Variants in ZNF778 observed in about 807,000 individuals in gnomAD.
ZNF778 encodes zinc finger protein 778.
Under a neutral mutation model 23.9 loss-of-function variants are expected in ZNF778, and 37 were observed. The observed-to-expected ratio is 1.54, with a 90% CI of 1.19 to 2.03. ZNF778 has a LOEUF of 2.03. Ranked by LOEUF, ZNF778 falls within the 30% of genes most tolerant of loss-of-function variation. The pLI is 0.00. For missense variants in ZNF778, 1,297 were observed against 934.4 expected (o/e 1.39, Z -5.06); for synonymous variants, 483 against 343.9 (o/e 1.40, Z -4.48).
Position 89,221,044 on chromosome 16 carries a change from C to T in ZNF778, c.-84C>T, listed in dbSNP as rs1033402180. Reference sequence around the variant, plus strand: ...TGGGTCAGGAGGAATGGAGACTGTACCTTCCACATAGATTCACAAGCTGCC... The same window carrying T: ...TGGGTCAGGAGGAATGGAGACTGTATCTTCCACATAGATTCACAAGCTGCC... On this transcript the variant is annotated 5_prime_UTR_variant, in exon 2 of 7. Coordinates refer to ENST00000433976, the MANE Select transcript of ZNF778 (RefSeq NM_001201407.2). 1 of 1,483,378 alleles carries T rather than the reference C, an allele frequency of 6.7e-7. No homozygotes were observed. The highest frequency in any genetic ancestry group is 1.4e-5 in the African/African-American group (1 of 71,686). The allele number at this position is 1,483,378 out of a possible 1,614,324, so 91.9% of individuals were successfully genotyped here.
chr16:89,236,541 A>G lies in ZNF778; in HGVS notation c.*7979A>G, dbSNP rs1362462779. 6.6e-6 allele frequency: 1 copy of G among 152,194 alleles called. No homozygotes were observed. Among genetic ancestry groups the G allele is most frequent in the East Asian group, 1.9e-4 (1 of 5,204 alleles). 9.4% of individuals were successfully genotyped at this position (152,194 alleles called of 1,614,324 possible). On this transcript the variant is annotated 3_prime_UTR_variant, in exon 7 of 7. Transcript: ENST00000433976. ...AAGGAAAAGCAATAGAAGAGTAAAT[A>G]CCTGAGTAAATAGATCAGATCATTC...
At position 89,234,116 on chromosome 16, in the gene ZNF778, A is replaced by C. The variant is rs1222217542; in HGVS notation, c.*5554A>C. On this transcript the variant is annotated 3_prime_UTR_variant, in exon 7 of 7. Transcript: ENST00000433976. ...GAGTGATGTGCCGCCTTCTCTTGAC[A>C]CTGTGAGTGATAAACTTTCCATGTC... The C allele has an allele frequency of 2.0e-6, 1 of 492,848 alleles. No individual in the cohort carries two copies. Among genetic ancestry groups the C allele is most frequent in the South Asian group, 1.6e-5 (1 of 64,382 alleles). The allele number at this position is 492,848 out of a possible 1,614,324, so 30.5% of individuals were successfully genotyped here.
Position 89,227,254 on chromosome 16 carries a change from C to T in ZNF778, c.966C>T (p.Ser322=), listed in dbSNP as rs753660671. 1.2e-6 allele frequency: 2 copies of T among 1,613,854 alleles called. No homozygotes were observed. The highest frequency in any genetic ancestry group is 1.7e-6 in the Non-Finnish European group (2 of 1,179,824). The change falls in exon 7 of 7, where the codon TCC becomes TCT. Residue 322 remains serine, a synonymous_variant. Coordinates refer to ENST00000433976, the MANE Select transcript of ZNF778 (RefSeq NM_001201407.2). ...EECGKASPVS[S]SLTQHVRIHA... Reference sequence around the variant, plus strand: ...GTGGAAAAGCCTCCCCTGTTTCTTCCAGCCTAACTCAACATGTAAGAATTC... The same window carrying T: ...GTGGAAAAGCCTCCCCTGTTTCTTCTAGCCTAACTCAACATGTAAGAATTC...
chr16:89,228,592 C>A lies in ZNF778; in HGVS notation c.*30C>A. The A allele has an allele frequency of 1.3e-6, 2 of 1,540,484 alleles. No individual in the cohort carries two copies. The highest frequency in any genetic ancestry group is 1.7e-6 in the Non-Finnish European group (2 of 1,149,900). On this transcript the variant is annotated 3_prime_UTR_variant, in exon 7 of 7. Coordinates refer to ENST00000433976, the MANE Select transcript of ZNF778 (RefSeq NM_001201407.2). ...AAGAATGTGGGGAAGCTGTCAGCTA[C>A]ACTCATTCACGTTGAAGACATGAAA... is the stretch of plus-strand genomic sequence containing the variant.
intron 3 of ZNF778, 76 bp downstream of exon 3, chr16:89,222,259 C>G (rs2031029517): frequency 2.6e-6 from 3 of 1,149,514 alleles, no homozygotes; most frequent in South Asian, 1.6e-5. Context: ...TCTGAGCAGA[C>G]TTGTCTGCAC....
At chr16:89,219,343 A>G (rs1010257722) in intron 1 of ZNF778, among the ~76,000 whole-genome samples, 1 of 152,114 alleles carries the variant, frequency 6.6e-6, no homozygotes, top group Non-Finnish European at 1.5e-5. Context: ...ATATTCCTCC[A>G]TTTCTTGCTG....
rs1433539672 is a variant in ZNF778 at position 89,235,650 on chromosome 16, A to G, written c.*7088A>G. ...ATTCAGAAGTGTAGACTATAATCTT[A>G]AATTATTCAGCATATGTGCAACAGC... On this transcript the variant is annotated 3_prime_UTR_variant, in exon 7 of 7. Transcript: ENST00000433976. The G allele has an allele frequency of 6.6e-6, 1 of 152,206 alleles. No homozygotes were observed. Among genetic ancestry groups the G allele is most frequent in the Non-Finnish European group, 1.5e-5 (1 of 68,044 alleles). 9.4% of individuals were successfully genotyped at this position (152,206 alleles called of 1,614,324 possible). A position where few individuals can be genotyped will look rare whatever the true frequency, so the allele number is the denominator to read the frequency against.
Position 89,226,804 on chromosome 16 carries a change from T to G in ZNF778, c.516T>G (p.Ser172Arg). The G allele has an allele frequency of 6.2e-7, 1 of 1,613,922 alleles. No individual in the cohort carries two copies. Among genetic ancestry groups the G allele is most frequent in the East Asian group, 2.2e-5 (1 of 44,884 alleles). Residue 172 changes from serine (S) to arginine (R), a missense_variant, in exon 7 of 7, where the codon AGT (serine) becomes AGG (arginine). Ser to Arg is a moderately radical substitution (Grantham distance 110). Coordinates refer to ENST00000433976, the MANE Select transcript of ZNF778 (RefSeq NM_001201407.2). ...TGAGAACTCAAAATACAGGAGACAG[T>G]TGTGTGTCTAATCATTATGAAAGGG... ...THVRTQNTGD[S>R]CVSNHYERDF...
chr16:89,228,259 C>G lies in ZNF778; in HGVS notation c.1971C>G (p.Ser657=), dbSNP rs200361239. 6.2e-7 allele frequency: 1 copy of G among 1,605,724 alleles called. No homozygotes were observed. Among genetic ancestry groups the G allele is most frequent in the Non-Finnish European group, 8.5e-7 (1 of 1,173,278 alleles). The change falls in exon 7 of 7, where the codon TCC becomes TCG. Residue 657 remains serine, a synonymous_variant. Transcript: ENST00000433976. ...AGTGTGGGAAAGCCTTTGCTTCCTC[C>G]TCACACCTTATCGAACACAGAAGGA... ...CKECGKAFAS[S]SHLIEHRRTH...
At position 89,228,629 on chromosome 16, in the gene ZNF778, C is replaced by T; in HGVS notation, c.*67C>T. On this transcript the variant is annotated 3_prime_UTR_variant, in exon 7 of 7. Coordinates refer to ENST00000433976, the MANE Select transcript of ZNF778 (RefSeq NM_001201407.2). Reference sequence around the variant, plus strand: ...TTGAAGACATGAAAGACCTCTCGTTCTCCAGATGTCCATGACTTGAGGAAT... The same window carrying T: ...TTGAAGACATGAAAGACCTCTCGTTTTCCAGATGTCCATGACTTGAGGAAT... 1.3e-6 allele frequency: 2 copies of T among 1,520,028 alleles called. No homozygotes were observed. Among genetic ancestry groups the T allele is most frequent in the Non-Finnish European group, 1.8e-6 (2 of 1,140,674 alleles). The allele number at this position is 1,520,028 out of a possible 1,614,324, so 94.2% of individuals were successfully genotyped here.
Position 89,222,934 on chromosome 16 carries a change from C to T in ZNF778, c.118-223C>T, listed in dbSNP as rs568108312. On this transcript the variant is annotated intron_variant, in intron 3 of 6. Coordinates refer to ENST00000433976, the MANE Select transcript of ZNF778 (RefSeq NM_001201407.2). ...CAGGGTGCGCGTGACTGGAGGAGCGCGACAGGGCACGCGTGACTGGAGGAG... is the reference window on the plus strand; with the variant it reads ...CAGGGTGCGCGTGACTGGAGGAGCGTGACAGGGCACGCGTGACTGGAGGAG... Among the ~76,000 whole-genome samples the T allele has an allele frequency of 2.7e-5, 4 of 145,776 alleles. No individual in the cohort carries two copies. The South Asian group carries it at 6.6e-4, about 24-fold the overall frequency.
rs554200162 is a variant in ZNF778 at position 89,224,169 on chromosome 16, C to T, written c.245-550C>T. On this transcript the variant is annotated intron_variant, in intron 4 of 6. Transcript: ENST00000433976. ...AATCCCAGCACTCTAGGAGGCCAGGCGCAGTGGCTCAGGGCTGTAATCCCA... is the reference window on the plus strand; with the variant it reads ...AATCCCAGCACTCTAGGAGGCCAGGTGCAGTGGCTCAGGGCTGTAATCCCA... Among the ~76,000 whole-genome samples the T allele has an allele frequency of 6.0e-5, 9 of 149,730 alleles. No homozygotes were observed. The South Asian group carries it at 6.4e-4, about 11-fold the overall frequency.
rs1356658482 is a variant in ZNF778, at chr16:89,224,771, G to T, written c.297G>T (p.Glu99Asp). The change falls in exon 5 of 7, where the codon GAG (glutamate) becomes GAT (aspartate). Residue 99 changes from glutamate (E) to aspartate (D), a missense_variant. Glu to Asp is a conservative substitution (Grantham distance 45, BLOSUM62 2). Transcript: ENST00000433976. The part of the protein sequence containing the change: ...SVIYWLEQEE[E>D]LRAGRRAVLQ... Reference sequence around the variant, plus strand: ...TCTATTGGCTGGAGCAGGAAGAGGAGTTGAGGGCAGGGCGGAGAGCAGTTC... The same window carrying T: ...TCTATTGGCTGGAGCAGGAAGAGGATTTGAGGGCAGGGCGGAGAGCAGTTC... 1 of 1,527,386 alleles carries T rather than the reference G, an allele frequency of 6.5e-7. No homozygotes were observed. The highest frequency in any genetic ancestry group is 8.7e-7 in the Non-Finnish European group (1 of 1,144,032). 94.6% of individuals were successfully genotyped at this position (1,527,386 alleles called of 1,614,324 possible).
intron 3 of ZNF778, 30 bp downstream of exon 3, chr16:89,222,213 T>C (rs753931276): frequency 1.6e-5 from 24 of 1,536,260 alleles, no homozygotes; most frequent in Non-Finnish European, 2.1e-5. Context: ...TTTCTTAAAA[T>C]AACATACTGG....
rs903667378 is a variant in ZNF778, at chr16:89,234,295, ATGT to A, written c.*5736_*5738del. 2.3e-5 allele frequency: 8 copies of A among 343,678 alleles called. No individual in the cohort carries two copies. Among genetic ancestry groups the A allele is most frequent in the African/African-American group, 1.7e-4 (8 of 46,580 alleles). The allele number at this position is 343,678 out of a possible 1,614,324, so 21.3% of individuals were successfully genotyped here. On this transcript the variant is annotated 3_prime_UTR_variant, in exon 7 of 7. Transcript: ENST00000433976. ...TCTTGAACTATCTGTAGGAACTGCC[ATGT>A]TGACTCCTGGGCAGTTTTATTCTTT...
chr16:89,218,846 G>T (rs1318778767), intron 1 of ZNF778, among the ~76,000 whole-genome samples: 4 of 151,260 alleles, frequency 2.6e-5, no homozygotes, highest in Admixed American at 2.0e-4. Flanking sequence ...AGTGGCTCAC[G>T]CCTGTAATCC....
At position 89,235,388 on chromosome 16, in the gene ZNF778, C is replaced by G. The variant is rs151128527; in HGVS notation, c.*6826C>G. On this transcript the variant is annotated 3_prime_UTR_variant, in exon 7 of 7. Coordinates refer to ENST00000433976, the MANE Select transcript of ZNF778 (RefSeq NM_001201407.2). The stretch of plus-strand genomic sequence containing the variant: ...CTCCAGGCAGTCCTGCAGCAGCAAA[C>G]ACATCATCAGCCTTAGGAGCTGGCC... The G allele has an allele frequency of 1.4e-4, 21 of 152,314 alleles. No homozygotes were observed. Among genetic ancestry groups the G allele is most frequent in the African/African-American group, 4.3e-4 (18 of 41,572 alleles). 9.4% of individuals were successfully genotyped at this position (152,314 alleles called of 1,614,324 possible).
At chr16:89,222,581 C>G (rs762373830) in intron 3 of ZNF778, among the ~76,000 whole-genome samples, 8 of 152,206 alleles carry the variant, frequency 5.3e-5, no homozygotes, top group Non-Finnish European at 8.8e-5. Flanking sequence ...CCAGGCTGGT[C>G]TTGAACTGCT....
At chr16:89,220,791 A>G (rs184202026) in intron 1 of ZNF778, among the ~76,000 whole-genome samples, 1 of 152,310 alleles carries the variant, frequency 6.6e-6, no homozygotes, top group East Asian at 1.9e-4. Flanking sequence ...AACACGGGTG[A>G]AATCTGTGAA....
Sources: gnomAD v4.1 joint callset for allele counts (sites outside exome capture counted in the v4.1 genomes callset) on GRCh38, gnomAD v4.1.1 for gene constraint, MANE v1.5 for transcripts, NCBI Gene and HGNC (gene_info 2026-07-23, HGNC 2026-07-21) for gene names.